AMBRA1: variants seen among roughly 807,000 people sequenced by gnomAD.
The protein encoded by AMBRA1 is activating molecule in BECN1-regulated autophagy protein 1.
In AMBRA1, 47 loss-of-function variants were observed where a neutral mutation model predicts 125.4. The ratio of observed to expected loss-of-function variants is 0.37; its 90% confidence interval spans 0.30 to 0.48. AMBRA1 has a LOEUF of 0.48. AMBRA1 is among the 20% of genes least tolerant of loss of function. The probability of loss-of-function intolerance (pLI) is 0.99; values close to 1 mark genes in which losing one functional copy is unlikely to be tolerated. For synonymous variants in AMBRA1, 626 were observed against 655.5 expected (o/e 0.95, Z 0.69); for missense variants, 1,331 against 1,693.4 (o/e 0.79, Z 3.76).
At chr11:46,404,685 C>T (rs1945923907) in intron 17 of AMBRA1, among the ~76,000 whole-genome samples, 1 of 152,226 alleles carries the variant, frequency 6.6e-6, no homozygotes, top group African/African-American at 2.4e-5. Flanking sequence ...CTCAGCTTAG[C>T]TGGGGCCATC....
intron 7 of AMBRA1, among the ~76,000 whole-genome samples, chr11:46,529,280 C>A (rs1257620938): frequency 1.3e-5 from 2 of 152,206 alleles, no homozygotes; most frequent in Admixed American, 1.3e-4. Flanking sequence ...CCTCATCCAG[C>A]AAATAAGCTT....
At chr11:46,537,449 GTTTT>G (rs1952531371) in intron 7 of AMBRA1, among the ~76,000 whole-genome samples, 1 of 152,138 alleles carries the variant, frequency 6.6e-6, no homozygotes, top group Non-Finnish European at 1.5e-5. Flanking sequence ...GTTCCCTCCA[GTTTT>G]AACTTGCCAT....
intron 7 of AMBRA1, among the ~76,000 whole-genome samples, chr11:46,519,859 G>A (rs1443723332): frequency 6.6e-6 from 1 of 152,164 alleles, no homozygotes; most frequent in South Asian, 2.1e-4. Flanking sequence ...TAAAAATTAT[G>A]AGGATCCCGG....
At chr11:46,398,041 T>A in intron 17 of AMBRA1, 98 bp from the exon 18 acceptor site, 1 of 1,444,534 alleles carries the variant, frequency 6.9e-7, no homozygotes, top group Non-Finnish European at 9.2e-7. Context: ...GATTCTTGAC[T>A]AAACGCAGGA....
intron 7 of AMBRA1, among the ~76,000 whole-genome samples, chr11:46,541,651 A>G (rs577889794): frequency 1.2e-3 from 190 of 152,314 alleles, no homozygotes; most frequent in African/African-American, 4.0e-3. Context: ...GAGAAAGTCA[A>G]TGGTTCCATC....
chr11:46,443,370 T>G (rs538047301), intron 12 of AMBRA1, 118 bp downstream of exon 12: 1 of 732,010 alleles, frequency 1.4e-6, no homozygotes, highest in South Asian at 1.7e-5. Flanking sequence ...AGAAATGGCA[T>G]GTAGATAACA....
intron 11 of AMBRA1, among the ~76,000 whole-genome samples, chr11:46,447,772 ATAGATAGT>A (rs1306639716): frequency 1.0e-4 from 12 of 118,312 alleles, no homozygotes; most frequent in African/African-American, 2.9e-4. Context: ...AGATAGATAG[ATAGATAGT>A]GATGGCAAAT....
chr11:46,479,133 G>A (rs1026377357), intron 11 of AMBRA1, among the ~76,000 whole-genome samples: 3 of 152,140 alleles, frequency 2.0e-5, no homozygotes, highest in Non-Finnish European at 2.9e-5. Flanking sequence ...AGGAGGCAGA[G>A]GTTGCAGTGA....
chr11:46,454,333 G>A (rs532262945), intron 11 of AMBRA1, among the ~76,000 whole-genome samples: 91 of 151,808 alleles, frequency 6.0e-4, no homozygotes, highest in Admixed American at 1.1e-3. Flanking sequence ...CTGGCAAACT[G>A]TGAAATATTC....
intron 1 of AMBRA1, among the ~76,000 whole-genome samples, chr11:46,552,368 CAAAAAAAAAAAAAAAAAAAAAAAAA>C (rs56090695): frequency 1.7e-4 from 2 of 11,978 alleles, no homozygotes; most frequent in African/African-American, 4.9e-4. Context: ...GACTCCATCT[CAAAAAAAAAAAAAAAAAAAAAAAAA>C]AAAAAAAAAA....
chr11:46,428,969 T>C, intron 14 of AMBRA1: 2 of 1,612,412 alleles, frequency 1.2e-6, no homozygotes, highest in African/African-American at 1.3e-5. Flanking sequence ...CCAGGCAAAC[T>C]GTTCCTTCAC....
chr11:46,531,918 G>A (rs1441786124), intron 7 of AMBRA1, among the ~76,000 whole-genome samples: 2 of 151,836 alleles, frequency 1.3e-5, no homozygotes, highest in Non-Finnish European at 2.9e-5. Context: ...AGGAGTTCAA[G>A]ACCGGCCTGG....
At chr11:46,489,619 A>C (rs1303252220) in intron 11 of AMBRA1, among the ~76,000 whole-genome samples, 3 of 152,198 alleles carry the variant, frequency 2.0e-5, no homozygotes, top group African/African-American at 7.2e-5. Context: ...TAAATTAAGT[A>C]TATCAGGTCC....
At chr11:46,444,301 T>A (rs1031928595) in intron 11 of AMBRA1, among the ~76,000 whole-genome samples, 40 of 152,200 alleles carry the variant, frequency 2.6e-4, no homozygotes, top group Non-Finnish European at 5.4e-4. Context: ...AATCCACATT[T>A]GCTTGTAACA....
intron 1 of AMBRA1, among the ~76,000 whole-genome samples, chr11:46,551,698 T>C (rs1362843268): frequency 6.7e-6 from 1 of 148,890 alleles, no homozygotes; most frequent in East Asian, 2.0e-4. Context: ...TGGCAAAACC[T>C]ACTCTACTAA....
chr11:46,582,711 T>G (rs141031041), intron 1 of AMBRA1, among the ~76,000 whole-genome samples: 2 of 152,236 alleles, frequency 1.3e-5, no homozygotes, highest in African/African-American at 4.8e-5. Flanking sequence ...ATCAATAAAA[T>G]GAGAAGAATA....
At position 46,583,196 on chromosome 11, in the gene AMBRA1, GCATATCTA is replaced by G. The variant is rs752657814; in HGVS notation, c.-121+10624_-121+10631del. ...GAACAGAGCCCTCAGAAATAATGCC[GCATATCTA>G]CAACTATCTGATCTTCGACAAACCT... On this transcript the variant is annotated intron_variant, in intron 1 of 17. Coordinates refer to ENST00000683756, the MANE Select transcript of AMBRA1 (RefSeq NM_001387011.1). 4.2e-4 allele frequency among the ~76,000 whole-genome samples: 64 copies of G among 152,056 alleles called. No homozygotes were observed. In the East Asian group the frequency reaches 4.6e-3, roughly 11 times the overall value.
chr11:46,449,819 G>C (rs1169266492), intron 11 of AMBRA1, among the ~76,000 whole-genome samples: 2 of 152,194 alleles, frequency 1.3e-5, no homozygotes, highest in African/African-American at 4.8e-5. Context: ...CCAGCACTTT[G>C]GGAGGCCAAG....
At chr11:46,452,480 G>C (rs1365013176) in intron 11 of AMBRA1, among the ~76,000 whole-genome samples, 1 of 152,046 alleles carries the variant, frequency 6.6e-6, no homozygotes, top group East Asian at 1.9e-4. Flanking sequence ...ACCCTACCTA[G>C]CTTTGGTTAC....
Sources: gnomAD v4.1 joint callset for allele counts (sites outside exome capture counted in the v4.1 genomes callset) on GRCh38, gnomAD v4.1.1 for gene constraint, MANE v1.5 for transcripts, NCBI Gene and HGNC (gene_info 2026-07-23, HGNC 2026-07-21) for gene names.